Variants in SCO1 observed in about 807,000 individuals in gnomAD.
The protein encoded by SCO1 is synthesis of cytochrome C oxidase 1, also known as cytochrome c oxidase assembly factor SCO1.
Under a neutral mutation model 34.0 loss-of-function variants are expected in SCO1, and 23 were observed. The observed-to-expected ratio is 0.68, with a 90% CI of 0.49 to 0.96. SCO1 has a LOEUF of 0.96. SCO1 is among the 40% of genes least tolerant of loss of function. SCO1 has a pLI of 0.00. For synonymous variants in SCO1, 161 were observed against 145.5 expected, an observed-to-expected ratio of 1.11 and a Z score of -0.77; for missense variants, 404 against 381.6, an observed-to-expected ratio of 1.06 and a Z score of -0.49.
At chr17:10,695,684 C>T (rs1662736711) in intron 2 of SCO1, 57 bp downstream of exon 2, 2 of 1,248,056 alleles carry the variant, frequency 1.6e-6, no homozygotes, top group Admixed American at 1.7e-5. Context: ...AAAAAAGGTG[C>T]TAGTCCATAG....
intron 4 of SCO1, among the ~76,000 whole-genome samples, chr17:10,690,029 C>A (rs1253228947): frequency 1.3e-5 from 2 of 152,098 alleles, no homozygotes; most frequent in Non-Finnish European, 2.9e-5. Context: ...CTATTTTTAT[C>A]ATATACAAAA....
rs993907548 is a variant in SCO1, at chr17:10,696,170, C to T, written c.274-339G>A. On this transcript the variant is annotated intron_variant, in intron 1 of 5. Coordinates refer to ENST00000255390, the MANE Select transcript of SCO1 (RefSeq NM_004589.4). ...GACTTTAAAACCAATTATGGCCGGG[C>T]GCGGTGGGTCACGCCTGTAATCCCA... 2.6e-5 allele frequency among the ~76,000 whole-genome samples: 4 copies of T among 151,258 alleles called. No homozygotes were observed. The East Asian group carries it at 5.9e-4, about 22-fold the overall frequency.
Position 10,695,734 on chromosome 17 carries a change from T to C in SCO1, c.364+7A>G, listed in dbSNP as rs775283200. ...ATACAGGGCTGAGCAGATGATAATCTACTTACTCTCTGCCTTTTCTTTCTT... is the reference window on the plus strand; with the variant it reads ...ATACAGGGCTGAGCAGATGATAATCCACTTACTCTCTGCCTTTTCTTTCTT... On this transcript the variant is annotated splice_region_variant and intron_variant, in intron 2 of 5. Coordinates refer to ENST00000255390, the MANE Select transcript of SCO1 (RefSeq NM_004589.4). The C allele has an allele frequency of 2.5e-6, 4 of 1,590,344 alleles. No homozygotes were observed. In the Admixed American group the frequency reaches 6.7e-5, roughly 27 times the overall value.
intron 5 of SCO1, among the ~76,000 whole-genome samples, chr17:10,681,920 A>C (rs2074624210): frequency 6.6e-6 from 1 of 152,208 alleles, no homozygotes. Flanking sequence ...TCCCCAAGGA[A>C]ATTTTTGTCT....
At chr17:10,688,966 A>C (rs2074673649) in intron 4 of SCO1, among the ~76,000 whole-genome samples, 1 of 148,514 alleles carries the variant, frequency 6.7e-6, no homozygotes, top group Non-Finnish European at 1.5e-5. Context: ...AATACAAAAA[A>C]TTAGCCGGGC....
intron 4 of SCO1, among the ~76,000 whole-genome samples, chr17:10,687,536 A>C (rs754584144): frequency 6.6e-6 from 1 of 152,244 alleles, no homozygotes; most frequent in Non-Finnish European, 1.5e-5. Flanking sequence ...CTAAAGGTAC[A>C]GAAGCCAATT....
At chr17:10,682,864 T>G (rs1029822086) in intron 5 of SCO1, among the ~76,000 whole-genome samples, 1 of 152,182 alleles carries the variant, frequency 6.6e-6, no homozygotes, top group Non-Finnish European at 1.5e-5. Flanking sequence ...TATCACAGGC[T>G]GGAGAGAGTA....
chr17:10,691,966 T>C lies in SCO1; in HGVS notation c.563-2A>G. ...GATCTGGCAGAGTTGTAATGCTATCTGAAAGAGAGTTCCAATTAGTCCGTA... is the reference window on the plus strand; with the variant it reads ...GATCTGGCAGAGTTGTAATGCTATCCGAAAGAGAGTTCCAATTAGTCCGTA... On this transcript the variant is annotated splice_acceptor_variant, in intron 3 of 5. Transcript: ENST00000255390. LOFTEE classifies it high-confidence loss of function. 1 of 1,600,996 alleles carries C rather than the reference T, an allele frequency of 6.2e-7. No individual in the cohort carries two copies. The highest frequency in any genetic ancestry group is 8.6e-7 in the Non-Finnish European group (1 of 1,168,172).
chr17:10,680,908 G>T lies in SCO1; in HGVS notation c.*211C>A, dbSNP rs866392909. On this transcript the variant is annotated 3_prime_UTR_variant, in exon 6 of 6. Transcript: ENST00000255390. Reference sequence around the variant, plus strand: ...TCCTCTGGTCTCCCCACAGCTTCCTGGGAGACTTTGGGTTGTAATCTTTAC... The same window carrying T: ...TCCTCTGGTCTCCCCACAGCTTCCTTGGAGACTTTGGGTTGTAATCTTTAC... 4 of 608,818 alleles carry T rather than the reference G, an allele frequency of 6.6e-6. No homozygotes were observed. The African/African-American group carries it at 7.4e-5, about 11-fold the overall frequency. 37.7% of individuals were successfully genotyped at this position (608,818 alleles called of 1,614,324 possible).
At chr17:10,687,945 T>C (rs1040944217) in intron 4 of SCO1, among the ~76,000 whole-genome samples, 1 of 152,234 alleles carries the variant, frequency 6.6e-6, no homozygotes, top group African/African-American at 2.4e-5. Context: ...AATGAGTTCA[T>C]AAATATCTGT....
intron 5 of SCO1, 94 bp from the exon 6 acceptor site, chr17:10,681,347 T>C: frequency 7.6e-7 from 1 of 1,315,140 alleles, no homozygotes; most frequent in Non-Finnish European, 1.1e-6. Flanking sequence ...AACTTTACAT[T>C]AATGCTTAAA....
intron 5 of SCO1, among the ~76,000 whole-genome samples, chr17:10,681,794 C>T (rs771727065): frequency 3.3e-5 from 5 of 152,138 alleles, no homozygotes; most frequent in South Asian, 2.1e-4. Context: ...CTGCTTACCA[C>T]GCTTTATGAG....
intron 4 of SCO1, among the ~76,000 whole-genome samples, chr17:10,688,291 T>C (rs1276803600): frequency 6.6e-6 from 1 of 152,112 alleles, no homozygotes; most frequent in Admixed American, 6.5e-5. Context: ...ATAATACATA[T>C]ACACATAATG....
At chr17:10,686,604 C>A in intron 5 of SCO1, 123 bp downstream of exon 5, 7 of 726,118 alleles carry the variant, frequency 9.6e-6, no homozygotes, top group East Asian at 2.6e-5. Flanking sequence ...AAAAAAATTC[C>A]TAAGGACTTT....
At chr17:10,697,035 A>C (rs1487871540) in intron 1 of SCO1, among the ~76,000 whole-genome samples, 200 bp downstream of exon 1, 1 of 151,968 alleles carries the variant, frequency 6.6e-6, no homozygotes, top group African/African-American at 2.4e-5. Context: ...TAAAGTCTCA[A>C]GTTCTCTGTG....
chr17:10,696,097 A>AAAAAG (rs1597511067), intron 1 of SCO1, among the ~76,000 whole-genome samples: 1 of 150,032 alleles, frequency 6.7e-6, no homozygotes. Flanking sequence ...AAAAAAAAAA[A>AAAAAG]GCTCAAGTAC....
chr17:10,692,298 T>G (rs1219427570), intron 3 of SCO1, among the ~76,000 whole-genome samples: 2 of 152,176 alleles, frequency 1.3e-5, no homozygotes, highest in Non-Finnish European at 2.9e-5. Context: ...TATCTGTAGT[T>G]TTTTTCACTC....
Position 10,697,502 on chromosome 17 carries a change from C to T in SCO1, c.6G>A (p.Ala2=), listed in dbSNP as rs367806912. The T allele has an allele frequency of 2.5e-6, 4 of 1,613,256 alleles. No homozygotes were observed. The highest frequency in any genetic ancestry group is 1.6e-4 in the Middle Eastern group (1 of 6,084). ...CTCGTCCGGGTACTAGGACCAGCAT[C>T]GCCATGAGCCTCGGAGACCGGGTCT... The part of the protein sequence containing the change: M[A]MLVLVPGRVM... The change falls in exon 1 of 6, where the codon GCG becomes GCA. Residue 2 remains alanine, a synonymous_variant. Transcript: ENST00000255390.
Position 10,681,269 on chromosome 17 carries a change from G to C in SCO1, c.772-16C>G. 1 of 1,613,532 alleles carries C rather than the reference G, an allele frequency of 6.2e-7. No individual in the cohort carries two copies. On this transcript the variant is annotated splice_polypyrimidine_tract_variant and intron_variant, in intron 5 of 5. Coordinates refer to ENST00000255390, the MANE Select transcript of SCO1 (RefSeq NM_004589.4). The stretch of plus-strand genomic sequence containing the variant: ...TGTGATCCACCTGCAGAGAAAAGGG[G>C]GGAGAGTGTGACAAAGATTACCAAA...
Sources: gnomAD v4.1 joint callset for allele counts (sites outside exome capture counted in the v4.1 genomes callset) on GRCh38, gnomAD v4.1.1 for gene constraint, MANE v1.5 for transcripts, NCBI Gene and HGNC (gene_info 2026-07-23, HGNC 2026-07-21) for gene names.